Variants in SIAH3 observed in about 807,000 individuals in gnomAD.
SIAH3 encodes the protein seven in absentia homolog 3.
A neutral mutation model predicts 12.6 loss-of-function variants in SIAH3; 9 were observed. The ratio of observed to expected loss-of-function variants is 0.72; its 90% confidence interval spans 0.43 to 1.25. The LOEUF is 1.25. Among genes scored for constraint, SIAH3 ranks in the 50% most tolerant of loss-of-function variants. SIAH3 has a pLI of 0.00. For missense variants in SIAH3, 390 were observed against 365.4 expected, an observed-to-expected ratio of 1.07 and a Z score of -0.55; for synonymous variants, 154 against 151.1, an observed-to-expected ratio of 1.02 and a Z score of -0.14.
intron 1 of SIAH3, among the ~76,000 whole-genome samples, chr13:45,803,707 T>C (rs1950590010): frequency 1.3e-5 from 2 of 151,942 alleles, no homozygotes; most frequent in South Asian, 2.1e-4. Flanking sequence ...TGATGAGAAA[T>C]TACACAGAAG....
At chr13:45,792,504 G>A (rs906161705) in intron 1 of SIAH3, among the ~76,000 whole-genome samples, 1 of 151,914 alleles carries the variant, frequency 6.6e-6, no homozygotes, top group Non-Finnish European at 1.5e-5. Context: ...ATTACAGACA[G>A]GTGCCATCAT....
At position 45,779,239 on chromosome 13, in the gene SIAH3, A is replaced by C. The variant is rs1163634034; in HGVS notation, c.*4144T>G. Reference sequence around the variant, plus strand: ...AATAATTAGGAAGTGATGAGTTTTAAGTACTTTTGACCTTTGCTTTAAATA... The same window carrying C: ...AATAATTAGGAAGTGATGAGTTTTACGTACTTTTGACCTTTGCTTTAAATA... On this transcript the variant is annotated 3_prime_UTR_variant, in exon 2 of 2. Coordinates refer to ENST00000400405, the MANE Select transcript of SIAH3 (RefSeq NM_198849.3). 1 of 152,228 alleles carries C rather than the reference A, an allele frequency of 6.6e-6. No individual in the cohort carries two copies. Among genetic ancestry groups the C allele is most frequent in the Non-Finnish European group, 1.5e-5 (1 of 68,034 alleles). The allele number at this position is 152,228 out of a possible 1,614,324, so 9.4% of individuals were successfully genotyped here. A position where few individuals can be genotyped will look rare whatever the true frequency, so the allele number is the denominator to read the frequency against.
chr13:45,805,403 G>C (rs117756160), intron 1 of SIAH3, among the ~76,000 whole-genome samples: 12,360 of 152,110 alleles, frequency 0.081, 673 homozygotes, highest in Non-Finnish European at 0.13. Flanking sequence ...GAACAGGATA[G>C]AGAACCCAAA....
chr13:45,809,313 T>A (rs1950608632), intron 1 of SIAH3, among the ~76,000 whole-genome samples: 1 of 122,698 alleles, frequency 8.2e-6, no homozygotes, highest in South Asian at 2.9e-4. Flanking sequence ...GGTCTGGAAA[T>A]CATTACACGT....
At chr13:45,812,663 C>T (rs1013004976) in intron 1 of SIAH3, among the ~76,000 whole-genome samples, 7 of 151,820 alleles carry the variant, frequency 4.6e-5, no homozygotes. Flanking sequence ...AAATATATAA[C>T]ACACACACAC....
At chr13:45,819,345 G>A (rs984865974) in intron 1 of SIAH3, among the ~76,000 whole-genome samples, 1 of 152,202 alleles carries the variant, frequency 6.6e-6, no homozygotes, top group Non-Finnish European at 1.5e-5. Flanking sequence ...GTTTAAGGAA[G>A]CAAGGAAGAA....
chr13:45,825,905 C>T (rs1419877801), intron 1 of SIAH3, among the ~76,000 whole-genome samples: 1 of 152,142 alleles, frequency 6.6e-6, no homozygotes, highest in Non-Finnish European at 1.5e-5. Context: ...CTCCCCTGAC[C>T]ATGAAGACCA....
chr13:45,811,212 CTGG>C (rs947413780), intron 1 of SIAH3, among the ~76,000 whole-genome samples: 5 of 152,114 alleles, frequency 3.3e-5, no homozygotes, highest in African/African-American at 1.2e-4. Flanking sequence ...GTAATGAGTG[CTGG>C]TGGTGGTGAT....
At chr13:45,794,018 C>A (rs1950554634) in intron 1 of SIAH3, among the ~76,000 whole-genome samples, 1 of 151,938 alleles carries the variant, frequency 6.6e-6, no homozygotes, top group Non-Finnish European at 1.5e-5. Context: ...CCAAGGAACA[C>A]CTGGACCCAC....
chr13:45,819,210 C>T (rs1377325908), intron 1 of SIAH3, among the ~76,000 whole-genome samples: 2 of 152,222 alleles, frequency 1.3e-5, no homozygotes, highest in Non-Finnish European at 1.5e-5. Flanking sequence ...GTCACCAAAT[C>T]ATCAGGGACT....
At chr13:45,848,722 T>C (rs1950769029) in intron 1 of SIAH3, among the ~76,000 whole-genome samples, 2 of 152,198 alleles carry the variant, frequency 1.3e-5, no homozygotes. Context: ...AAACACAAGC[T>C]TCCCAGCCCT....
At chr13:45,827,295 T>G (rs1302095515) in intron 1 of SIAH3, among the ~76,000 whole-genome samples, 1 of 152,158 alleles carries the variant, frequency 6.6e-6, no homozygotes, top group Non-Finnish European at 1.5e-5. Flanking sequence ...GCCAGTGTCT[T>G]GCAAACACGA....
chr13:45,814,044 C>G (rs1479160065), intron 1 of SIAH3, among the ~76,000 whole-genome samples: 2 of 152,178 alleles, frequency 1.3e-5, no homozygotes, highest in East Asian at 3.9e-4. Flanking sequence ...TGAGACCATC[C>G]TGGCTAACAC....
At chr13:45,798,407 C>T (rs1299641345) in intron 1 of SIAH3, among the ~76,000 whole-genome samples, 1 of 152,124 alleles carries the variant, frequency 6.6e-6, no homozygotes, top group Non-Finnish European at 1.5e-5. Flanking sequence ...AAATGGTGAG[C>T]AGATCACATG....
chr13:45,788,333 T>C (rs192036207), intron 1 of SIAH3, among the ~76,000 whole-genome samples: 2 of 152,326 alleles, frequency 1.3e-5, no homozygotes, highest in Admixed American at 1.3e-4. Flanking sequence ...ATTACTTTCC[T>C]TCACTAAACT....
At chr13:45,846,872 C>G (rs544597596) in intron 1 of SIAH3, among the ~76,000 whole-genome samples, 1 of 152,340 alleles carries the variant, frequency 6.6e-6, no homozygotes, top group East Asian at 1.9e-4. Flanking sequence ...CTGGGCCTCC[C>G]CGTTATGTGA....
intron 1 of SIAH3, among the ~76,000 whole-genome samples, chr13:45,825,334 G>T (rs1035928316): frequency 6.6e-6 from 1 of 152,156 alleles, no homozygotes; most frequent in Non-Finnish European, 1.5e-5. Flanking sequence ...ACAGGATTCA[G>T]AATGTAACAA....
intron 1 of SIAH3, among the ~76,000 whole-genome samples, chr13:45,805,077 C>T (rs1293609993): frequency 6.6e-6 from 1 of 151,260 alleles, no homozygotes; most frequent in Non-Finnish European, 1.5e-5. Flanking sequence ...CAAAACACTG[C>T]TGAAAGAAAT....
intron 1 of SIAH3, among the ~76,000 whole-genome samples, chr13:45,795,208 A>G (rs762485069): frequency 6.6e-6 from 1 of 152,234 alleles, no homozygotes; most frequent in Non-Finnish European, 1.5e-5. Context: ...TGGTATTCCC[A>G]GAGTGGGTAC....
Sources: gnomAD v4.1 joint callset for allele counts (sites outside exome capture counted in the v4.1 genomes callset) on GRCh38, gnomAD v4.1.1 for gene constraint, MANE v1.5 for transcripts, NCBI Gene and HGNC (gene_info 2026-07-23, HGNC 2026-07-21) for gene names.